Variants in RANBP2 observed in about 807,000 individuals in gnomAD.
RANBP2 encodes E3 SUMO-protein ligase RanBP2.
A neutral mutation model predicts 303.6 loss-of-function variants in RANBP2; 57 were observed. That is an observed-to-expected ratio of 0.19 (90% confidence interval 0.15 to 0.23). RANBP2 has a LOEUF of 0.23. RANBP2 is among the 10% of genes least tolerant of loss of function. The pLI, the probability that RANBP2 is intolerant of heterozygous loss-of-function variation, is 1.00. For synonymous variants in RANBP2, 1,167 were observed against 1,301.5 expected, an observed-to-expected ratio of 0.90 and a Z score of 2.23; for missense variants, 3,138 against 3,780.8, an observed-to-expected ratio of 0.83 and a Z score of 4.46.
the RANBP2 span, among the ~76,000 whole-genome samples, chr2:109,774,686 GT>G: frequency 6.1e-5 from 3 of 49,276 alleles, no homozygotes; most frequent in Admixed American, 3.8e-4. Flanking sequence ...TTTTAGACTA[GT>G]GGAATTCTAA....
At chr2:108,965,135 C>T in the RANBP2 span, among the ~76,000 whole-genome samples, 1 of 151,774 alleles carries the variant, frequency 6.6e-6, no homozygotes, top group Non-Finnish European at 1.5e-5. Context: ...GTGAAGGGTA[C>T]TGGTATTTAT....
At chr2:109,614,099 T>C in the RANBP2 span, 1 of 1,210,318 alleles carries the variant, frequency 8.3e-7, no homozygotes, top group Non-Finnish European at 1.0e-6. Context: ...GGACTGAGCG[T>C]CAGCGTTGGG....
intron 1 of RANBP2, among the ~76,000 whole-genome samples, chr2:108,726,606 G>T (rs1175869779): frequency 6.6e-6 from 1 of 151,938 alleles, no homozygotes; most frequent in South Asian, 2.1e-4. Flanking sequence ...GAGTACTGTA[G>T]TCTCACCTTG....
chr2:109,575,104 C>G, the RANBP2 span, among the ~76,000 whole-genome samples: 2 of 152,180 alleles, frequency 1.3e-5, no homozygotes, highest in African/African-American at 2.4e-5. Context: ...CTTCCGAAAC[C>G]ATCAGGGCAA....
the RANBP2 span, among the ~76,000 whole-genome samples, chr2:109,657,186 AC>A: frequency 6.6e-6 from 1 of 152,130 alleles, no homozygotes; most frequent in Admixed American, 6.5e-5. Context: ...TTGCATTTCA[AC>A]ATGCCAGACA....
the RANBP2 span, among the ~76,000 whole-genome samples, chr2:108,893,842 T>C: frequency 6.6e-6 from 1 of 152,212 alleles, no homozygotes; most frequent in Non-Finnish European, 1.5e-5. Context: ...AAAATAATTA[T>C]GTAATCCTCC....
the RANBP2 span, among the ~76,000 whole-genome samples, chr2:109,374,819 A>G: frequency 6.6e-6 from 1 of 152,132 alleles, no homozygotes. Context: ...AGGGACTCTC[A>G]CCTCGCCTGG....
chr2:109,307,016 A>G, the RANBP2 span, among the ~76,000 whole-genome samples: 2 of 152,226 alleles, frequency 1.3e-5, no homozygotes, highest in African/African-American at 4.8e-5. Flanking sequence ...GGCACACATT[A>G]TTATGGCAGT....
At chr2:108,973,018 C>A in the RANBP2 span, among the ~76,000 whole-genome samples, 1 of 151,888 alleles carries the variant, frequency 6.6e-6, no homozygotes, top group East Asian at 1.9e-4. Flanking sequence ...TGGAGTTTCA[C>A]TCTTGTCATC....
the RANBP2 span, among the ~76,000 whole-genome samples, chr2:109,154,655 G>T: frequency 6.6e-6 from 1 of 152,144 alleles, no homozygotes; most frequent in African/African-American, 2.4e-5. Context: ...GAATACTTTT[G>T]GCCTTGCTGT....
At chr2:109,402,478 C>G in the RANBP2 span, among the ~76,000 whole-genome samples, 4 of 152,340 alleles carry the variant, frequency 2.6e-5, no homozygotes, top group East Asian at 7.7e-4. Flanking sequence ...CACATGCCAG[C>G]ACTGCCATCG....
chr2:109,118,241 C>T, the RANBP2 span, among the ~76,000 whole-genome samples: 75 of 152,182 alleles, frequency 4.9e-4, 1 homozygote, highest in African/African-American at 1.8e-3. Context: ...GTTCTTTACT[C>T]CACAAAAGAC....
At chr2:109,343,556 G>T in the RANBP2 span, among the ~76,000 whole-genome samples, 1 of 152,086 alleles carries the variant, frequency 6.6e-6, no homozygotes, top group East Asian at 1.9e-4. Context: ...CAGCCAGCAA[G>T]GCAAACAGGC....
chr2:109,293,022 G>A, the RANBP2 span, among the ~76,000 whole-genome samples: 25 of 152,244 alleles, frequency 1.6e-4, no homozygotes, highest in Non-Finnish European at 3.5e-4. Context: ...GTGAGGCACC[G>A]CACCCCAATT....
the RANBP2 span, chr2:108,896,739 A>C: frequency 3.0e-6 from 2 of 656,918 alleles, no homozygotes; most frequent in Admixed American, 5.7e-5. Context: ...ATCTTTGGTT[A>C]AATTGGAAGA....
chr2:109,674,799 T>TAAA, the RANBP2 span, among the ~76,000 whole-genome samples: 40 of 152,254 alleles, frequency 2.6e-4, no homozygotes, highest in Admixed American at 1.7e-3. Flanking sequence ...TTTGCTAGCT[T>TAAA]TCTCCTGTCA....
At chr2:109,549,823 C>A in the RANBP2 span, among the ~76,000 whole-genome samples, 1 of 152,068 alleles carries the variant, frequency 6.6e-6, no homozygotes, top group Non-Finnish European at 1.5e-5. Context: ...ACAATTATAA[C>A]AATGTATGTA....
chr2:109,546,328 C>T, the RANBP2 span: 37 of 759,334 alleles, frequency 4.9e-5, no homozygotes, highest in Admixed American at 2.0e-4. Context: ...GACCCCATAG[C>T]GCAACACAGA....
At chr2:109,582,891 G>C in the RANBP2 span, among the ~76,000 whole-genome samples, 12 of 152,168 alleles carry the variant, frequency 7.9e-5, no homozygotes, top group African/African-American at 2.9e-4. Context: ...ACAGGCATCT[G>C]ATCTTCAACA....
Sources: allele counts gnomAD v4.1 joint callset (sites outside exome capture counted in the v4.1 genomes callset), GRCh38; gene constraint gnomAD v4.1.1; transcripts MANE v1.5; gene names NCBI Gene and HGNC (gene_info 2026-07-23, HGNC 2026-07-21).